Variants in ARL15 observed in about 807,000 individuals in gnomAD.
The protein encoded by ARL15 is ARF like GTPase 15.
In ARL15, 19 loss-of-function variants were observed where a neutral mutation model predicts 25.2. The ratio of observed to expected loss-of-function variants is 0.75; its 90% CI spans 0.53 to 1.10. The LOEUF is 1.10. Among genes scored for constraint, ARL15 ranks in the 50% least tolerant of loss-of-function variants. ARL15 has a pLI of 0.00. For missense variants in ARL15, 220 were observed against 246.0 expected, an observed-to-expected ratio of 0.89 and a Z score of 0.71; for synonymous variants, 94 against 86.8, an observed-to-expected ratio of 1.08 and a Z score of -0.46.
intron 3 of ARL15, among the ~76,000 whole-genome samples, chr5:54,123,245 G>T (rs754997672): frequency 1.3e-5 from 2 of 150,630 alleles, no homozygotes; most frequent in African/African-American, 4.9e-5. Flanking sequence ...AACTAGCTGG[G>T]ATTACAGGCA....
chr5:54,252,066 T>C (rs139828226), intron 1 of ARL15, among the ~76,000 whole-genome samples: 23 of 152,350 alleles, frequency 1.5e-4, no homozygotes, highest in Non-Finnish European at 2.5e-4. Context: ...TGATATTCCA[T>C]GCTATCAGCA....
intron 3 of ARL15, among the ~76,000 whole-genome samples, chr5:54,142,333 G>A (rs1433712964): frequency 2.0e-5 from 3 of 152,150 alleles, no homozygotes; most frequent in African/African-American, 7.2e-5. Flanking sequence ...GATTATAGGA[G>A]ATAGGAATTT....
rs7720667 is a variant in ARL15 at position 53,963,701 on chromosome 5, G to A, written c.463-76988C>T. On this transcript the variant is annotated intron_variant, in intron 4 of 4. Coordinates refer to ENST00000504924, the MANE Select transcript of ARL15 (RefSeq NM_019087.3). ...TGGACACCTGTAATCCCAGCTTCTC[G>A]GGAGGCTGAGGCAGGAAAATCCCTT... Among the ~76,000 whole-genome samples, 1,048 of 151,856 alleles carry A rather than the reference G, an allele frequency of 6.9e-3. 10 individuals are homozygous for A. The highest frequency in any genetic ancestry group is 0.024 in the African/African-American group (1,004 of 41,384).
At chr5:53,979,523 G>T (rs879387600) in intron 4 of ARL15, among the ~76,000 whole-genome samples, 6 of 152,108 alleles carry the variant, frequency 3.9e-5, no homozygotes, top group Admixed American at 1.3e-4. Context: ...CTGGGCAACA[G>T]AATAAGACCT....
chr5:54,294,156 C>T (rs1758410517), intron 1 of ARL15, among the ~76,000 whole-genome samples: 2 of 152,228 alleles, frequency 1.3e-5, no homozygotes, highest in African/African-American at 4.8e-5. Flanking sequence ...TCATGCAATA[C>T]TGCCTCTCTT....
chr5:54,103,352 A>T (rs2547538), intron 4 of ARL15, among the ~76,000 whole-genome samples: 39,742 of 152,074 alleles, frequency 0.26, 5,528 homozygotes, highest in Admixed American at 0.32. Context: ...AGACCTTTGT[A>T]GTATACCTTC....
chr5:53,950,900 A>C (rs189140829), intron 4 of ARL15, among the ~76,000 whole-genome samples: 1 of 152,336 alleles, frequency 6.6e-6, no homozygotes, highest in African/African-American at 2.4e-5. Context: ...TGAGACTAAG[A>C]AATAACAGCA....
In ARL15 at chr5:53,987,483, T is replaced by A. The variant is rs1393570951; in HGVS notation, c.463-100770A>T. On this transcript the variant is annotated intron_variant, in intron 4 of 4. Transcript: ENST00000504924. Reference sequence around the variant, plus strand: ...TCCACAAACCCCTTTCACTTTTTTTTTTTTTTTGAGAACCAACTCACACAT... The same window carrying A: ...TCCACAAACCCCTTTCACTTTTTTTATTTTTTTGAGAACCAACTCACACAT... Among the ~76,000 whole-genome samples the A allele has an allele frequency of 2.6e-5, 4 of 152,258 alleles. No individual in the cohort carries two copies. The East Asian group carries it at 7.7e-4, about 29-fold the overall frequency.
intron 4 of ARL15, among the ~76,000 whole-genome samples, chr5:53,987,703 C>A (rs998157178): frequency 2.0e-5 from 3 of 152,154 alleles, no homozygotes; most frequent in Non-Finnish European, 4.4e-5. Flanking sequence ...GTAATCCCAG[C>A]AGTTTGGGAG....
At chr5:54,136,217 G>T (rs2112293794) in intron 3 of ARL15, among the ~76,000 whole-genome samples, 1 of 152,228 alleles carries the variant, frequency 6.6e-6, no homozygotes, top group South Asian at 2.1e-4. Context: ...TTTTAAAAAT[G>T]ACTACTTAAC....
intron 1 of ARL15, among the ~76,000 whole-genome samples, chr5:54,258,450 T>C (rs1757422125): frequency 1.3e-5 from 2 of 152,152 alleles, no homozygotes; most frequent in South Asian, 4.1e-4. Context: ...AGGCAAGAGA[T>C]TCATAGAGAA....
chr5:54,131,066 G>T (rs1753413744), intron 3 of ARL15, among the ~76,000 whole-genome samples: 1 of 152,118 alleles, frequency 6.6e-6, no homozygotes, highest in Non-Finnish European at 1.5e-5. Flanking sequence ...GTAGCCCTTG[G>T]GGTGTCCAGT....
chr5:54,269,013 T>C (rs1254325616), intron 1 of ARL15, among the ~76,000 whole-genome samples: 3 of 151,782 alleles, frequency 2.0e-5, no homozygotes, highest in African/African-American at 4.8e-5. Flanking sequence ...TAGGTGGGAA[T>C]TGAACAATGA....
At chr5:54,274,661 G>A (rs1757879043) in intron 1 of ARL15, among the ~76,000 whole-genome samples, 1 of 152,170 alleles carries the variant, frequency 6.6e-6, no homozygotes, top group Admixed American at 6.5e-5. Context: ...CACTTTGGGA[G>A]ACTGAGGCGG....
intron 1 of ARL15, among the ~76,000 whole-genome samples, chr5:54,280,961 A>T (rs2112666991): frequency 6.6e-6 from 1 of 151,810 alleles, no homozygotes; most frequent in African/African-American, 2.4e-5. Context: ...GGGTCAACTG[A>T]CACAGGCTGG....
chr5:53,932,021 ATT>A (rs751143581), intron 4 of ARL15, among the ~76,000 whole-genome samples: 4 of 152,198 alleles, frequency 2.6e-5, no homozygotes, highest in Non-Finnish European at 5.9e-5. Flanking sequence ...ATTTATGATT[ATT>A]TTACATAATG....
At chr5:53,964,999 C>T (rs1437117506) in intron 4 of ARL15, among the ~76,000 whole-genome samples, 1 of 152,146 alleles carries the variant, frequency 6.6e-6, no homozygotes, top group East Asian at 1.9e-4. Flanking sequence ...GCTAAGATGC[C>T]TTAGAGGCCT....
At chr5:54,230,883 G>A (rs752877918) in intron 1 of ARL15, among the ~76,000 whole-genome samples, 4 of 151,774 alleles carry the variant, frequency 2.6e-5, no homozygotes, top group Non-Finnish European at 4.4e-5. Context: ...CAGCTTGGTA[G>A]GTAAGCAAAA....
intron 4 of ARL15, among the ~76,000 whole-genome samples, chr5:53,969,342 TATC>T (rs1331541353): frequency 6.6e-6 from 1 of 152,184 alleles, no homozygotes; most frequent in African/African-American, 2.4e-5. Flanking sequence ...GGCCAAATAG[TATC>T]ATACTTTTTT....
Sources: gnomAD v4.1 joint callset for allele counts (sites outside exome capture counted in the v4.1 genomes callset) on GRCh38, gnomAD v4.1.1 for gene constraint, MANE v1.5 for transcripts, NCBI Gene and HGNC (gene_info 2026-07-23, HGNC 2026-07-21) for gene names.